Variants in MANBA observed in about 807,000 individuals in gnomAD.
MANBA encodes the protein mannosidase beta, also known as beta-mannosidase.
Under a neutral mutation model 111.1 loss-of-function variants are expected in MANBA, and 83 were observed. The ratio of observed to expected loss-of-function variants is 0.75; its 90% CI spans 0.63 to 0.90. The LOEUF is 0.90. Ranked by LOEUF, MANBA falls within the 40% of genes least tolerant of loss-of-function variation. The pLI is 0.00. For missense variants in MANBA, 1,036 were observed against 1,069.0 expected, an observed-to-expected ratio of 0.97 and a Z score of 0.43; for synonymous variants, 370 against 378.7, an observed-to-expected ratio of 0.98 and a Z score of 0.27.
intron 5 of MANBA, among the ~76,000 whole-genome samples, chr4:102,704,559 T>A (rs1384035550): frequency 6.6e-6 from 1 of 152,088 alleles, no homozygotes; most frequent in African/African-American, 2.4e-5. Flanking sequence ...TACCTTTTTT[T>A]ATTATGAACT....
intron 1 of MANBA, chr4:102,729,049 CT>C (rs1722922425): frequency 2.3e-6 from 2 of 856,940 alleles, no homozygotes; most frequent in Admixed American, 3.4e-5. Flanking sequence ...TCATCAGTTC[CT>C]GGTACTCAAG....
intron 9 of MANBA, among the ~76,000 whole-genome samples, chr4:102,669,822 T>C (rs555382884): frequency 2.6e-5 from 4 of 151,824 alleles, no homozygotes; most frequent in East Asian, 1.9e-4. Context: ...CTACTAAAAG[T>C]ACAAAAAATT....
Position 102,631,938 on chromosome 4 carries a change from G to C in MANBA, c.*119C>G, listed in dbSNP as rs187693967. ...CTTCACAGAGCAATCGCTCAAATGCGTGGCAGCACGCAGACATGTCTCTCG... is the reference window on the plus strand; with the variant it reads ...CTTCACAGAGCAATCGCTCAAATGCCTGGCAGCACGCAGACATGTCTCTCG... On this transcript the variant is annotated 3_prime_UTR_variant, in exon 17 of 17. Coordinates refer to ENST00000647097, the MANE Select transcript of MANBA (RefSeq NM_005908.4). 4.6e-6 allele frequency: 4 copies of C among 874,792 alleles called. No individual in the cohort carries two copies. In the African/African-American group the frequency reaches 5.0e-5, roughly 11 times the overall value. The allele number at this position is 874,792 out of a possible 1,614,324, so 54.2% of individuals were successfully genotyped here. A position where few individuals can be genotyped will look rare whatever the true frequency, so the allele number is the denominator to read the frequency against.
At chr4:102,633,417 AT>A (rs1729475475) in intron 16 of MANBA, 1 of 398,490 alleles carries the variant, frequency 2.5e-6, no homozygotes, top group African/African-American at 2.1e-5. Flanking sequence ...TCTTCGTTGG[AT>A]TGGAAATCTC....
At chr4:102,685,162 G>A (rs1291070600) in intron 7 of MANBA, among the ~76,000 whole-genome samples, 1 of 152,076 alleles carries the variant, frequency 6.6e-6, no homozygotes, top group Non-Finnish European at 1.5e-5. Flanking sequence ...CAGAAGGGAG[G>A]GGAGAGTTTG....
At chr4:102,753,530 T>C (rs866993538) in intron 1 of MANBA, among the ~76,000 whole-genome samples, 28 of 152,286 alleles carry the variant, frequency 1.8e-4, no homozygotes, top group Middle Eastern at 3.4e-3. Context: ...TCATGAGTTA[T>C]AGGCAACCAA....
At chr4:102,710,261 T>C (rs527712050) in intron 5 of MANBA, among the ~76,000 whole-genome samples, 2 of 152,212 alleles carry the variant, frequency 1.3e-5, no homozygotes, top group Non-Finnish European at 2.9e-5. Flanking sequence ...CTGCAAAAAC[T>C]TGGAAGATTC....
intron 1 of MANBA, chr4:102,728,554 CAAA>C: frequency 2.5e-5 from 8 of 322,464 alleles, no homozygotes; most frequent in East Asian, 7.7e-5. Context: ...TATTTTGGAC[CAAA>C]AAAAAAAAGC....
intron 7 of MANBA, among the ~76,000 whole-genome samples, chr4:102,684,466 G>A (rs937104502): frequency 1.3e-5 from 2 of 152,170 alleles, no homozygotes; most frequent in African/African-American, 2.4e-5. Context: ...CAGACATGCC[G>A]TTGGGGGCAT....
intron 1 of MANBA, chr4:102,729,540 C>T: frequency 1.1e-6 from 1 of 876,160 alleles, no homozygotes; most frequent in Non-Finnish European, 2.0e-6. Flanking sequence ...CCAGGTGAGA[C>T]TCCAGCTCTA....
intron 11 of MANBA, among the ~76,000 whole-genome samples, chr4:102,664,267 A>C (rs1008798400): frequency 6.6e-6 from 1 of 152,242 alleles, no homozygotes; most frequent in Non-Finnish European, 1.5e-5. Flanking sequence ...CCCTGTATTC[A>C]AACGATACTG....
chr4:102,734,598 A>C, intron 1 of MANBA: 3 of 1,605,266 alleles, frequency 1.9e-6, no homozygotes, highest in Non-Finnish European at 2.6e-6. Context: ...CAAGAAAGAG[A>C]CCAAGAAGAA....
At chr4:102,668,440 T>C (rs557776028) in intron 10 of MANBA, 2 of 163,190 alleles carry the variant, frequency 1.2e-5, no homozygotes, top group African/African-American at 4.8e-5. Context: ...TCTAGATCTT[T>C]TCAGTAGGCA....
At chr4:102,655,576 A>G (rs938427613) in intron 12 of MANBA, among the ~76,000 whole-genome samples, 1 of 152,234 alleles carries the variant, frequency 6.6e-6, no homozygotes. Context: ...AATACATGCT[A>G]TTGGAACAAC....
rs1356019563 is a variant in MANBA, at chr4:102,727,447, G to T, written c.178-764C>A. ...CTTGGTATAGGCCAATTGCACATGGGTCTCAGAGCACTCCATCTTCAAGGT... is the reference window on the plus strand; with the variant it reads ...CTTGGTATAGGCCAATTGCACATGGTTCTCAGAGCACTCCATCTTCAAGGT... On this transcript the variant is annotated intron_variant, in intron 1 of 16. Transcript: ENST00000647097. 2.9e-6 allele frequency: 4 copies of T among 1,375,888 alleles called. No individual in the cohort carries two copies. The African/African-American group carries it at 5.7e-5, about 20-fold the overall frequency. 85.2% of individuals were successfully genotyped at this position (1,375,888 alleles called of 1,614,324 possible). A position where few individuals can be genotyped will look rare whatever the true frequency, so the allele number is the denominator to read the frequency against.
At chr4:102,656,843 T>C (rs1227493388) in intron 12 of MANBA, among the ~76,000 whole-genome samples, 2 of 152,180 alleles carry the variant, frequency 1.3e-5, no homozygotes, top group Non-Finnish European at 2.9e-5. Context: ...CATTATATTA[T>C]TCCAATTATA....
intron 7 of MANBA, among the ~76,000 whole-genome samples, chr4:102,677,823 G>T (rs1217718784): frequency 6.6e-6 from 1 of 151,758 alleles, no homozygotes; most frequent in East Asian, 1.9e-4. Context: ...ATTTCCACTG[G>T]TTTTTTTGGT....
intron 4 of MANBA, among the ~76,000 whole-genome samples, chr4:102,715,432 T>C (rs72942713): frequency 0.058 from 8,804 of 152,286 alleles, 742 homozygotes; most frequent in African/African-American, 0.19. Flanking sequence ...ACAGAAGCTA[T>C]CATAATAAAT....
chr4:102,676,813 A>C (rs1299304223), intron 7 of MANBA, among the ~76,000 whole-genome samples: 1 of 152,254 alleles, frequency 6.6e-6, no homozygotes, highest in Non-Finnish European at 1.5e-5. Context: ...GACGTTACAA[A>C]AGCAGTGGTG....
Sources: gnomAD v4.1 joint callset for allele counts (sites outside exome capture counted in the v4.1 genomes callset) on GRCh38, gnomAD v4.1.1 for gene constraint, MANE v1.5 for transcripts, NCBI Gene and HGNC (gene_info 2026-07-23, HGNC 2026-07-21) for gene names.